The following CTNNBL1 variants were observed in gnomAD, a reference collection of about 807,000 sequenced individuals.
The protein encoded by CTNNBL1 is catenin beta like 1.
A neutral mutation model predicts 72.7 loss-of-function variants in CTNNBL1; 31 were observed. That is an observed-to-expected ratio of 0.43 (90% CI 0.32 to 0.58). The LOEUF (loss-of-function observed/expected upper bound fraction) is 0.58, where lower values mean the gene tolerates loss of function less well. CTNNBL1 is among the 20% of genes least tolerant of loss of function. The pLI, the probability that CTNNBL1 is intolerant of heterozygous loss-of-function variation, is 0.08. For missense variants in CTNNBL1, 534 were observed against 725.1 expected, an observed-to-expected ratio of 0.74 and a Z score of 3.03; for synonymous variants, 240 against 267.3, an observed-to-expected ratio of 0.90 and a Z score of 1.00.
At chr20:37,788,207 C>G (rs1053115832) in intron 10 of CTNNBL1, among the ~76,000 whole-genome samples, 1 of 152,166 alleles carries the variant, frequency 6.6e-6, no homozygotes, top group Non-Finnish European at 1.5e-5. Context: ...ACTTTCTGCA[C>G]CATGCATGGT....
intron 10 of CTNNBL1, among the ~76,000 whole-genome samples, chr20:37,796,074 C>T (rs2073771403): frequency 6.6e-6 from 1 of 152,188 alleles, no homozygotes; most frequent in Non-Finnish European, 1.5e-5. Context: ...AAGCACTACT[C>T]ATCTTACTAC....
intron 1 of CTNNBL1, chr20:37,727,274 A>G (rs1294534869): frequency 4.5e-6 from 4 of 886,692 alleles, no homozygotes; most frequent in East Asian, 1.2e-4. Context: ...CAAAGCTTTC[A>G]TGAAGATGTC....
intron 13 of CTNNBL1, among the ~76,000 whole-genome samples, chr20:37,846,539 G>A (rs1416145697): frequency 1.3e-5 from 2 of 152,138 alleles, no homozygotes; most frequent in Non-Finnish European, 2.9e-5. Flanking sequence ...ATGCATGAAA[G>A]CTGCTTGCAC....
At chr20:37,758,739 G>T (rs921310548) in intron 5 of CTNNBL1, among the ~76,000 whole-genome samples, 9 of 152,164 alleles carry the variant, frequency 5.9e-5, no homozygotes, top group Non-Finnish European at 1.0e-4. Context: ...TTTCTCTCTG[G>T]TAAGAATGTT....
intron 11 of CTNNBL1, among the ~76,000 whole-genome samples, chr20:37,825,814 C>A (rs548237265): frequency 1.3e-5 from 2 of 152,200 alleles, no homozygotes; most frequent in South Asian, 4.1e-4. Context: ...GTCGCTGGTG[C>A]CCAGCTCATA....
chr20:37,778,439 T>C (rs2073595139), intron 9 of CTNNBL1, among the ~76,000 whole-genome samples: 1 of 152,174 alleles, frequency 6.6e-6, no homozygotes, highest in Non-Finnish European at 1.5e-5. Context: ...ACCCCAAAAA[T>C]AGAGCTTTGA....
chr20:37,815,606 C>T (rs6013131), intron 11 of CTNNBL1, among the ~76,000 whole-genome samples: 44 of 152,310 alleles, frequency 2.9e-4, no homozygotes, highest in African/African-American at 9.6e-4. Context: ...GCATGAGCCA[C>T]CATGCCTGGC....
At chr20:37,787,343 G>GT (rs11482375) in intron 10 of CTNNBL1, among the ~76,000 whole-genome samples, 69,321 of 107,176 alleles carry the variant, frequency 0.65, 24,468 homozygotes, top group South Asian at 0.79. Flanking sequence ...ATAACTGTGT[G>GT]TTTTTTTTTT....
At chr20:37,734,636 G>A (rs1412438887) in intron 2 of CTNNBL1, among the ~76,000 whole-genome samples, 1 of 152,218 alleles carries the variant, frequency 6.6e-6, no homozygotes, top group Non-Finnish European at 1.5e-5. Flanking sequence ...AAGTCCAGGA[G>A]TTATTTTCTC....
chr20:37,821,280 T>G (rs1215615072), intron 11 of CTNNBL1, among the ~76,000 whole-genome samples: 1 of 152,254 alleles, frequency 6.6e-6, no homozygotes, highest in Non-Finnish European at 1.5e-5. Flanking sequence ...GGTGGTTGGC[T>G]TGCTTGTTTC....
At chr20:37,714,854 C>A (rs929817405) in intron 1 of CTNNBL1, among the ~76,000 whole-genome samples, 1 of 152,058 alleles carries the variant, frequency 6.6e-6, no homozygotes, top group Non-Finnish European at 1.5e-5. Context: ...CACTGCTACC[C>A]CACATCAGTA....
chr20:37,712,350 A>G (rs1490925404), intron 1 of CTNNBL1, among the ~76,000 whole-genome samples: 3 of 152,226 alleles, frequency 2.0e-5, no homozygotes, highest in East Asian at 3.8e-4. Flanking sequence ...AGGAAGCTTT[A>G]GAATCTATAA....
At chr20:37,772,595 G>A (rs59989754) in intron 7 of CTNNBL1, among the ~76,000 whole-genome samples, 8,596 of 152,118 alleles carry the variant, frequency 0.057, 279 homozygotes, top group African/African-American at 0.072. Flanking sequence ...TGATCCGCCC[G>A]CCTTGGCCTC....
intron 10 of CTNNBL1, among the ~76,000 whole-genome samples, chr20:37,787,722 C>T (rs1054703473): frequency 1.8e-4 from 28 of 152,262 alleles, no homozygotes; most frequent in Middle Eastern, 3.4e-3. Flanking sequence ...ATAGTAATTA[C>T]GTTTAGCCCT....
At chr20:37,767,825 C>G in intron 6 of CTNNBL1, 128 bp from the exon 7 acceptor site, 1 of 708,416 alleles carries the variant, frequency 1.4e-6, no homozygotes, top group Non-Finnish European at 2.5e-6. Flanking sequence ...AAAATGACAA[C>G]CCAGCATCTG....
In CTNNBL1 at chr20:37,747,247, C is replaced by T. The variant is rs142892960; in HGVS notation, c.466+640C>T. ...AAAATTAACTGGACGTGGTGGTGCACGCCTGTAGTTCCAGCTACTCGGGAG... is the reference window on the plus strand; with the variant it reads ...AAAATTAACTGGACGTGGTGGTGCATGCCTGTAGTTCCAGCTACTCGGGAG... On this transcript the variant is annotated intron_variant, in intron 4 of 15. Transcript: ENST00000361383. 1.3e-3 allele frequency among the ~76,000 whole-genome samples: 203 copies of T among 151,986 alleles called. 1 individual carries two copies. Among genetic ancestry groups the T allele is most frequent in the Middle Eastern group, 6.8e-3 (2 of 294 alleles).
chr20:37,835,020 A>T (rs1286652984), intron 11 of CTNNBL1, among the ~76,000 whole-genome samples: 1 of 152,266 alleles, frequency 6.6e-6, no homozygotes, highest in Non-Finnish European at 1.5e-5. Flanking sequence ...CCTATTTGCA[A>T]CATATTTGGA....
intron 11 of CTNNBL1, among the ~76,000 whole-genome samples, chr20:37,826,805 A>G (rs1425920647): frequency 6.6e-6 from 1 of 152,256 alleles, no homozygotes; most frequent in East Asian, 1.9e-4. Context: ...TGCAGACAGC[A>G]TTACATTTCA....
At chr20:37,741,852 CTTGT>C (rs1435169776) in intron 3 of CTNNBL1, among the ~76,000 whole-genome samples, 6 of 152,120 alleles carry the variant, frequency 3.9e-5, no homozygotes, top group Non-Finnish European at 8.8e-5. Flanking sequence ...TTATTCTCTG[CTTGT>C]TTGTTTTATT....
Sources: allele counts gnomAD v4.1 joint callset (sites outside exome capture counted in the v4.1 genomes callset), GRCh38; gene constraint gnomAD v4.1.1; transcripts MANE v1.5; gene names NCBI Gene and HGNC (gene_info 2026-07-23, HGNC 2026-07-21).